The following DNAL1 variants were observed in gnomAD, a reference collection of about 807,000 sequenced individuals.
DNAL1 encodes dynein axonemal light chain 1.
Under a neutral mutation model 29.4 loss-of-function variants are expected in DNAL1, and 17 were observed. The ratio of observed to expected loss-of-function variants is 0.58; its 90% confidence interval spans 0.40 to 0.87. The LOEUF (loss-of-function observed/expected upper bound fraction) is 0.87. Among genes scored for constraint, DNAL1 ranks in the 40% least tolerant of loss-of-function variants. The pLI is 0.00. For missense variants in DNAL1, 188 were observed against 214.1 expected (o/e 0.88, Z 0.76); for synonymous variants, 78 against 76.3 (o/e 1.02, Z -0.12).
At chr14:73,685,534 G>A (rs553527279) in intron 5 of DNAL1, among the ~76,000 whole-genome samples, 8 of 148,426 alleles carry the variant, frequency 5.4e-5, no homozygotes, top group African/African-American at 1.7e-4. Context: ...ATTTTGGCTC[G>A]TTCCAACCTC....
Position 73,671,576 on chromosome 14 carries a change from C to A in DNAL1, c.243C>A (p.Asn81Lys). 1 of 1,489,274 alleles carries A rather than the reference C, an allele frequency of 6.7e-7. No individual in the cohort carries two copies. The allele number at this position is 1,489,274 out of a possible 1,614,324, so 92.3% of individuals were successfully genotyped here. The change falls in exon 5 of 8, where the codon AAC (asparagine) becomes AAA (lysine). Residue 81 changes from asparagine to lysine, a missense_variant. Physicochemically the swap from Asn to Lys is moderately conservative, Grantham distance 94. Coordinates refer to ENST00000553645, the MANE Select transcript of DNAL1 (RefSeq NM_031427.4). ...GGATATTATCTTTAGGAAGAAACAA[C>A]ATAAAGAACTTAAATGGACTGGTAG... ...NLRILSLGRNNIKNLNGLEAV... is the reference protein window; with the variant it reads ...NLRILSLGRNKIKNLNGLEAV...
intron 5 of DNAL1, among the ~76,000 whole-genome samples, chr14:73,678,511 CTTTTT>C (rs11379191): frequency 8.5e-6 from 1 of 118,188 alleles, no homozygotes. Context: ...AGCAGGTATT[CTTTTT>C]TTTTTTTTTT....
intron 5 of DNAL1, among the ~76,000 whole-genome samples, chr14:73,683,118 C>T (rs1033449020): frequency 6.6e-6 from 1 of 151,838 alleles, no homozygotes; most frequent in East Asian, 1.9e-4. Context: ...TTAGGTGATC[C>T]GCCTGCCTCG....
At chr14:73,651,234 G>C (rs1001589960) in intron 1 of DNAL1, 11 of 151,924 alleles carry the variant, frequency 7.2e-5, no homozygotes, top group African/African-American at 2.7e-4. Flanking sequence ...CTCCAGCCTT[G>C]GCTTCCCATA....
At chr14:73,648,970 ATTTG>A (rs532083252) in intron 1 of DNAL1, among the ~76,000 whole-genome samples, 36 of 150,938 alleles carry the variant, frequency 2.4e-4, no homozygotes, top group African/African-American at 8.0e-4. Flanking sequence ...TGTGCTTGAG[ATTTG>A]TTTTTGTTTT....
At chr14:73,686,743 AATC>A (rs1892027437) in intron 5 of DNAL1, among the ~76,000 whole-genome samples, 1 of 152,156 alleles carries the variant, frequency 6.6e-6, no homozygotes, top group Admixed American at 6.5e-5. Flanking sequence ...TATGTTTGAA[AATC>A]ATCATAATAA....
intron 4 of DNAL1, among the ~76,000 whole-genome samples, chr14:73,666,688 A>C (rs1238329391): frequency 6.6e-6 from 1 of 152,228 alleles, no homozygotes; most frequent in Non-Finnish European, 1.5e-5. Flanking sequence ...GCAGTTTTTC[A>C]AAAAGGGGTT....
rs1892421545 is a variant in DNAL1, at chr14:73,700,896, C to A, written c.*4954C>A. On this transcript the variant is annotated 3_prime_UTR_variant, in exon 8 of 8. Coordinates refer to ENST00000553645, the MANE Select transcript of DNAL1 (RefSeq NM_031427.4). ...CCATATTTCTTTATCTGTGCTCTAA[C>A]ATGTGTCATATTGTTTTCTTTTTGT... is the stretch of plus-strand genomic sequence containing the variant. 2 of 152,206 alleles carry A rather than the reference C, an allele frequency of 1.3e-5. No individual in the cohort carries two copies. The highest frequency in any genetic ancestry group is 2.9e-5 in the Non-Finnish European group (2 of 68,030). 9.4% of individuals were successfully genotyped at this position (152,206 alleles called of 1,614,324 possible).
intron 5 of DNAL1, among the ~76,000 whole-genome samples, chr14:73,679,090 G>A (rs557601105): frequency 6.4e-4 from 97 of 152,168 alleles, no homozygotes; most frequent in African/African-American, 2.2e-3. Context: ...TCCACCTCCC[G>A]GGTTCAAGCG....
chr14:73,654,294 G>A (rs1003489882), intron 1 of DNAL1, among the ~76,000 whole-genome samples: 3 of 152,272 alleles, frequency 2.0e-5, no homozygotes, highest in Admixed American at 6.5e-5. Context: ...GTGTATGGGT[G>A]TTACATAATG....
rs745929634 is a variant in DNAL1 at position 73,645,074 on chromosome 14, T to G, written c.3+32T>G. On this transcript the variant is annotated intron_variant, in intron 1 of 7. Transcript: ENST00000553645. ...ACCTTTCGGGCCGCGTAGCCAAAGC[T>G]GAGAGAAGATTGGGAGTGGAAAAGG... The G allele has an allele frequency of 3.1e-6, 5 of 1,604,446 alleles. No individual in the cohort carries two copies. The South Asian group carries it at 5.6e-5, about 18-fold the overall frequency.
rs1892323953 is a variant in DNAL1 at position 73,697,362 on chromosome 14, A to G, written c.*1420A>G. On this transcript the variant is annotated 3_prime_UTR_variant, in exon 8 of 8. Coordinates refer to ENST00000553645, the MANE Select transcript of DNAL1 (RefSeq NM_031427.4). ...CATAAGTAGTCCTGGGTTTCAGAAG[A>G]TTTCAGCTATCATTTACATAGGAAT... The G allele has an allele frequency of 6.6e-6, 1 of 152,198 alleles. No individual in the cohort carries two copies. The highest frequency in any genetic ancestry group is 1.5e-5 in the Non-Finnish European group (1 of 68,048). 9.4% of individuals were successfully genotyped at this position (152,198 alleles called of 1,614,324 possible).
intron 1 of DNAL1, among the ~76,000 whole-genome samples, chr14:73,650,665 G>A (rs1308406935): frequency 6.6e-6 from 1 of 151,630 alleles, no homozygotes. Context: ...TTTGGAGACG[G>A]GAGTCTTGCT....
rs1892380734 is a variant in DNAL1 at position 73,699,455 on chromosome 14, GC to G, written c.*3515del. On this transcript the variant is annotated 3_prime_UTR_variant, in exon 8 of 8. Transcript: ENST00000553645. ...CAAGTAGCTGGGACTACAGGCACGCGCCACCATGCCTGGCTAATTTTTGTAT... is the reference window on the plus strand; with the variant it reads ...CAAGTAGCTGGGACTACAGGCACGCGCACCATGCCTGGCTAATTTTTGTAT... 1 of 151,840 alleles carries G rather than the reference GC, an allele frequency of 6.6e-6. No homozygotes were observed. The highest frequency in any genetic ancestry group is 2.1e-4 in the South Asian group (1 of 4,762). The allele number at this position is 151,840 out of a possible 1,614,324, so 9.4% of individuals were successfully genotyped here.
At chr14:73,675,817 C>G (rs1167602498) in intron 5 of DNAL1, among the ~76,000 whole-genome samples, 1 of 151,746 alleles carries the variant, frequency 6.6e-6, no homozygotes, top group Admixed American at 6.6e-5. Flanking sequence ...GAGTTCGAGA[C>G]CAGCCTGACC....
At position 73,689,904 on chromosome 14, in the gene DNAL1, C is replaced by T. The variant is rs1216541549; in HGVS notation, c.532+389C>T. Reference sequence around the variant, plus strand: ...TATAAAAATTAGCCAGGCGTGGTGGCGGGCACCTGTAATCCCAGCTACTCG... The same window carrying T: ...TATAAAAATTAGCCAGGCGTGGTGGTGGGCACCTGTAATCCCAGCTACTCG... On this transcript the variant is annotated intron_variant, in intron 7 of 7. Coordinates refer to ENST00000553645, the MANE Select transcript of DNAL1 (RefSeq NM_031427.4). Among the ~76,000 whole-genome samples, 4 of 151,740 alleles carry T rather than the reference C, an allele frequency of 2.6e-5. No homozygotes were observed. In the East Asian group the frequency reaches 5.8e-4, roughly 22 times the overall value.
At chr14:73,647,364 C>CAAAAAAAAAAAA (rs199974495) in intron 1 of DNAL1, among the ~76,000 whole-genome samples, 1 of 92,724 alleles carries the variant, frequency 1.1e-5, no homozygotes, top group Non-Finnish European at 2.0e-5. Context: ...GACTCTGTCT[C>CAAAAAAAAAAAA]AAAAAAAAAA....
chr14:73,660,310 T>G (rs1233809033), intron 3 of DNAL1, among the ~76,000 whole-genome samples: 4 of 152,196 alleles, frequency 2.6e-5, no homozygotes, highest in Non-Finnish European at 4.4e-5. Flanking sequence ...TCTCAATACA[T>G]GTATTTTAGC....
intron 5 of DNAL1, among the ~76,000 whole-genome samples, chr14:73,673,254 G>T (rs1891657321): frequency 6.6e-6 from 1 of 152,106 alleles, no homozygotes; most frequent in South Asian, 2.1e-4. Flanking sequence ...TATCTATAAA[G>T]AAATAGTTTG....
Sources: gnomAD v4.1 joint callset for allele counts (sites outside exome capture counted in the v4.1 genomes callset) on GRCh38, gnomAD v4.1.1 for gene constraint, MANE v1.5 for transcripts, NCBI Gene and HGNC (gene_info 2026-07-23, HGNC 2026-07-21) for gene names.